Variants in SPOCK1 observed in about 807,000 individuals in gnomAD.
The protein encoded by SPOCK1 is testican-1.
A neutral mutation model predicts 55.3 loss-of-function variants in SPOCK1; 23 were observed. The ratio of observed to expected loss-of-function variants is 0.42; its 90% CI spans 0.30 to 0.59. SPOCK1 has a LOEUF of 0.59. SPOCK1 is among the 20% of genes least tolerant of loss of function. The probability of loss-of-function intolerance (pLI) is 0.22; values close to 1 mark genes in which losing one functional copy is unlikely to be tolerated. For synonymous variants in SPOCK1, 226 were observed against 221.0 expected (o/e 1.02, Z -0.20); for missense variants, 499 against 552.5 (o/e 0.90, Z 0.97).
At chr5:137,354,449 G>A (rs1023815703) in intron 2 of SPOCK1, among the ~76,000 whole-genome samples, 6 of 151,960 alleles carry the variant, frequency 3.9e-5, no homozygotes, top group African/African-American at 1.5e-4. Context: ...AGCCTCCTCA[G>A]TCCCTCCCTG....
chr5:137,000,827 G>C (rs1751135625), intron 6 of SPOCK1, among the ~76,000 whole-genome samples: 1 of 152,016 alleles, frequency 6.6e-6, no homozygotes, highest in African/African-American at 2.4e-5. Context: ...CTGAGGTCAG[G>C]AGTTTGAGAC....
At chr5:137,008,291 TAA>T (rs1491413623) in intron 6 of SPOCK1, among the ~76,000 whole-genome samples, 2 of 51,626 alleles carry the variant, frequency 3.9e-5, no homozygotes, top group Non-Finnish European at 1.1e-4. Context: ...AGTATAATAA[TAA>T]ATACACACAC....
chr5:137,023,120 GC>G lies in SPOCK1; in HGVS notation c.590-30521del, dbSNP rs200330168. 5.6e-3 allele frequency among the ~76,000 whole-genome samples: 854 copies of G among 152,282 alleles called. 5 individuals are homozygous for G. The highest frequency in any genetic ancestry group is 0.041 in the East Asian group (211 of 5,194). ...CTTTGTTACCTGGGACAACTTGTAT[GC>G]TTTCTTTGCCTCAATGTCTTCATCT... On this transcript the variant is annotated intron_variant, in intron 6 of 10. Transcript: ENST00000394945.
chr5:137,423,203 G>A (rs558412962), intron 2 of SPOCK1, among the ~76,000 whole-genome samples: 3 of 152,214 alleles, frequency 2.0e-5, no homozygotes, highest in East Asian at 1.9e-4. Flanking sequence ...CTACTGGGGG[G>A]TGCCTCCCAG....
intron 3 of SPOCK1, among the ~76,000 whole-genome samples, chr5:137,240,379 AC>A (rs1203023171): frequency 1.3e-5 from 2 of 152,198 alleles, no homozygotes; most frequent in African/African-American, 4.8e-5. Flanking sequence ...CAGGCATATG[AC>A]ATGGCAAGAA....
At chr5:137,146,284 G>A (rs543593491) in intron 3 of SPOCK1, among the ~76,000 whole-genome samples, 20 of 35,418 alleles carry the variant, frequency 5.6e-4, no homozygotes, top group Non-Finnish European at 8.6e-4. Context: ...ACAGGATTCC[G>A]GGAGGCACAA....
At chr5:137,129,060 C>G (rs1753827553) in intron 4 of SPOCK1, among the ~76,000 whole-genome samples, 1 of 152,250 alleles carries the variant, frequency 6.6e-6, no homozygotes. Flanking sequence ...CACTCTCCAA[C>G]TGAAAGCCAC....
intron 4 of SPOCK1, among the ~76,000 whole-genome samples, chr5:137,135,925 A>G (rs1753975298): frequency 6.6e-6 from 1 of 152,238 alleles, no homozygotes; most frequent in African/African-American, 2.4e-5. Context: ...GTTTTTATCC[A>G]TCACACATAA....
At chr5:137,458,164 C>A (rs550639578) in intron 2 of SPOCK1, among the ~76,000 whole-genome samples, 1 of 152,242 alleles carries the variant, frequency 6.6e-6, no homozygotes, top group East Asian at 1.9e-4. Flanking sequence ...TGGTGAAGAA[C>A]CCACATAAAT....
At chr5:137,360,732 GACTGTCT>G (rs1478525648) in intron 2 of SPOCK1, among the ~76,000 whole-genome samples, 3 of 152,144 alleles carry the variant, frequency 2.0e-5, no homozygotes, top group African/African-American at 7.2e-5. Context: ...TTTCTCAGAA[GACTGTCT>G]ACCATCCCAA....
intron 2 of SPOCK1, among the ~76,000 whole-genome samples, chr5:137,374,025 G>A (rs1201082481): frequency 2.6e-5 from 4 of 152,180 alleles, no homozygotes; most frequent in African/African-American, 9.7e-5. Flanking sequence ...GATGCCCAGT[G>A]GGCAGATCAA....
At chr5:137,447,039 TTA>T (rs1753144130) in intron 2 of SPOCK1, among the ~76,000 whole-genome samples, 1 of 152,212 alleles carries the variant, frequency 6.6e-6, no homozygotes, top group African/African-American at 2.4e-5. Context: ...CACATTTTCT[TTA>T]CCCATTAATC....
chr5:137,232,293 T>A (rs1314601801), intron 3 of SPOCK1, among the ~76,000 whole-genome samples: 1 of 152,192 alleles, frequency 6.6e-6, no homozygotes, highest in Non-Finnish European at 1.5e-5. Context: ...TTTTTAATGT[T>A]TTTTTCCTAA....
At chr5:137,265,704 A>G (rs1162125798) in intron 3 of SPOCK1, among the ~76,000 whole-genome samples, 1 of 152,184 alleles carries the variant, frequency 6.6e-6, no homozygotes, top group African/African-American at 2.4e-5. Context: ...TATAGTCCAG[A>G]TAGAGCCTCC....
At chr5:137,112,835 A>G (rs1753501925) in intron 4 of SPOCK1, among the ~76,000 whole-genome samples, 1 of 139,114 alleles carries the variant, frequency 7.2e-6, no homozygotes, top group Non-Finnish European at 1.6e-5. Flanking sequence ...GATTTTTACA[A>G]CACACAGAAA....
chr5:137,122,817 T>C (rs779799048), intron 4 of SPOCK1, among the ~76,000 whole-genome samples: 11 of 152,218 alleles, frequency 7.2e-5, no homozygotes, highest in Non-Finnish European at 1.5e-4. Context: ...TGTTCTAATC[T>C]TGGAAAACAC....
chr5:137,220,126 G>A (rs1340519500), intron 3 of SPOCK1, among the ~76,000 whole-genome samples: 1 of 152,160 alleles, frequency 6.6e-6, no homozygotes, highest in East Asian at 1.9e-4. Flanking sequence ...AGAGCAACAA[G>A]AACCCATGTT....
At position 137,010,136 on chromosome 5, in the gene SPOCK1, G is replaced by A. The variant is rs561980826; in HGVS notation, c.590-17536C>T. 7.4e-3 allele frequency among the ~76,000 whole-genome samples: 1,120 copies of A among 152,066 alleles called. 8 individuals are homozygous for A. Among genetic ancestry groups the A allele is most frequent in the Non-Finnish European group, 0.013 (876 of 68,000 alleles). The stretch of plus-strand genomic sequence containing the variant: ...CATATCACAACCTGCTGTCTCTTTT[G>A]GACTCTGAGGTCAGATGCAGTAAGA... On this transcript the variant is annotated intron_variant, in intron 6 of 10. Coordinates refer to ENST00000394945, the MANE Select transcript of SPOCK1 (RefSeq NM_004598.4).
chr5:137,190,152 T>G (rs1051493363), intron 3 of SPOCK1, among the ~76,000 whole-genome samples: 6 of 152,106 alleles, frequency 3.9e-5, no homozygotes, highest in African/African-American at 1.2e-4. Context: ...TTTAGAATAT[T>G]CCATAAACTT....
Sources: allele counts gnomAD v4.1 joint callset (sites outside exome capture counted in the v4.1 genomes callset), GRCh38; gene constraint gnomAD v4.1.1; transcripts MANE v1.5; gene names NCBI Gene and HGNC (gene_info 2026-07-23, HGNC 2026-07-21).